Variants in PCDH15 observed in about 807,000 individuals in gnomAD.
PCDH15 encodes protocadherin related 15.
In PCDH15, 129 loss-of-function variants were observed where a neutral mutation model predicts 178.5. The ratio of observed to expected loss-of-function variants is 0.72; its 90% CI spans 0.63 to 0.84. The LOEUF (loss-of-function observed/expected upper bound fraction) is 0.84. PCDH15 is among the 40% of genes least tolerant of loss of function. The probability of loss-of-function intolerance (pLI) is 0.00; values close to 1 mark genes in which losing one functional copy is unlikely to be tolerated. For synonymous variants in PCDH15, 800 were observed against 732.0 expected, an observed-to-expected ratio of 1.09 and a Z score of -1.50; for missense variants, 2,230 against 2,099.9, an observed-to-expected ratio of 1.06 and a Z score of -1.21.
At chr10:55,056,191 T>C (rs190939671) in intron 2 of PCDH15, among the ~76,000 whole-genome samples, 176 of 152,244 alleles carry the variant, frequency 1.2e-3, no homozygotes, top group African/African-American at 4.2e-3. Context: ...AACTTTCCAC[T>C]GTAATCAGAA....
chr10:55,064,813 C>T (rs1182341433), intron 2 of PCDH15, among the ~76,000 whole-genome samples: 2 of 151,982 alleles, frequency 1.3e-5, no homozygotes, highest in East Asian at 1.9e-4. Flanking sequence ...AAAACAAAGA[C>T]ATTTTAACTG....
chr10:53,849,923 T>C (rs2078249851), intron 28 of PCDH15, among the ~76,000 whole-genome samples: 1 of 139,886 alleles, frequency 7.1e-6, no homozygotes, highest in Admixed American at 7.0e-5. Context: ...AAAATCCAAG[T>C]CATACAAAAT....
intron 16 of PCDH15, among the ~76,000 whole-genome samples, chr10:54,087,597 A>T (rs548109929): frequency 1.1e-3 from 172 of 152,320 alleles, no homozygotes; most frequent in African/African-American, 3.9e-3. Context: ...ATTGTAAATA[A>T]TTCTTTTATG....
At chr10:55,338,245 T>G (rs759485741) in intron 2 of PCDH15, among the ~76,000 whole-genome samples, 7 of 151,984 alleles carry the variant, frequency 4.6e-5, no homozygotes, top group Non-Finnish European at 1.0e-4. Flanking sequence ...TAAACGTCCC[T>G]CAAAAAAACT....
At chr10:54,310,530 A>G (rs568150344) in intron 8 of PCDH15, among the ~76,000 whole-genome samples, 4 of 152,222 alleles carry the variant, frequency 2.6e-5, no homozygotes, top group African/African-American at 7.2e-5. Context: ...GTAACAATAC[A>G]TAGTAAGTAT....
At chr10:54,212,959 G>T (rs549889143) in intron 10 of PCDH15, among the ~76,000 whole-genome samples, 1 of 151,906 alleles carries the variant, frequency 6.6e-6, no homozygotes, top group African/African-American at 2.4e-5. Context: ...CTAAAATTGC[G>T]GCAACAGTTC....
At chr10:54,739,780 G>A (rs1051452451) in intron 1 of PCDH15, among the ~76,000 whole-genome samples, 7 of 151,952 alleles carry the variant, frequency 4.6e-5, no homozygotes, top group African/African-American at 1.4e-4. Context: ...GACATATGCT[G>A]ATAAACAAAT....
intron 2 of PCDH15, among the ~76,000 whole-genome samples, chr10:55,478,644 A>G (rs1382366434): frequency 6.6e-6 from 1 of 151,342 alleles, no homozygotes; most frequent in Non-Finnish European, 1.5e-5. Context: ...AATAAATAAT[A>G]AAGATTAGAG....
intron 3 of PCDH15, among the ~76,000 whole-genome samples, chr10:54,866,973 T>C (rs1195660501): frequency 6.6e-6 from 1 of 152,324 alleles, no homozygotes; most frequent in East Asian, 1.9e-4. Flanking sequence ...GCTTTTTCTT[T>C]GGGGAAAGAT....
At chr10:54,022,769 G>T in intron 19 of PCDH15, 123 bp downstream of exon 19, 1 of 957,852 alleles carries the variant, frequency 1.0e-6, no homozygotes, top group South Asian at 1.4e-5. Context: ...TTTATTCATT[G>T]TTTATCTGAA....
At chr10:54,875,113 A>G (rs771905963) in intron 3 of PCDH15, among the ~76,000 whole-genome samples, 1 of 152,184 alleles carries the variant, frequency 6.6e-6, no homozygotes, top group Non-Finnish European at 1.5e-5. Flanking sequence ...TTCGAACAGC[A>G]CGTGCTCATT....
At chr10:55,446,817 C>T (rs1465959404) in intron 2 of PCDH15, among the ~76,000 whole-genome samples, 1 of 152,020 alleles carries the variant, frequency 6.6e-6, no homozygotes, top group Admixed American at 6.6e-5. Flanking sequence ...CTGAGTCTCT[C>T]GAACTGACTC....
chr10:54,866,495 A>G (rs896769421), intron 3 of PCDH15, among the ~76,000 whole-genome samples: 1 of 152,220 alleles, frequency 6.6e-6, no homozygotes, highest in Non-Finnish European at 1.5e-5. Context: ...TAGCACAAGA[A>G]TGAAGTAAAA....
At chr10:55,598,256 A>T (rs1221784572) in intron 2 of PCDH15, among the ~76,000 whole-genome samples, 1 of 151,906 alleles carries the variant, frequency 6.6e-6, no homozygotes, top group Non-Finnish European at 1.5e-5. Context: ...AATAAAATAT[A>T]CTACGAAAGG....
chr10:54,226,221 C>T lies in PCDH15; in HGVS notation c.985+10602G>A, dbSNP rs145450471. The stretch of plus-strand genomic sequence containing the variant: ...ACTCATGGTGGAAGGCAAGGAAAAG[C>T]ACGTCACTTCTTACATGGATGGCAG... On this transcript the variant is annotated intron_variant, in intron 9 of 37. Transcript: ENST00000644397. Among the ~76,000 whole-genome samples, 541 of 152,258 alleles carry T rather than the reference C, an allele frequency of 3.6e-3. 4 individuals carry two copies. The highest frequency in any genetic ancestry group is 0.012 in the African/African-American group (484 of 41,550).
At chr10:54,164,662 G>A (rs989336656) in intron 13 of PCDH15, among the ~76,000 whole-genome samples, 54 of 152,252 alleles carry the variant, frequency 3.5e-4, no homozygotes, top group Non-Finnish European at 6.5e-4. Flanking sequence ...TATGAAATAT[G>A]CTCTGGTGAT....
chr10:55,086,144 T>C (rs1842162190), intron 2 of PCDH15, among the ~76,000 whole-genome samples: 1 of 151,956 alleles, frequency 6.6e-6, no homozygotes, highest in Non-Finnish European at 1.5e-5. Context: ...ATAAATGTTC[T>C]GATTTAATTT....
At chr10:54,120,340 A>G (rs2095194114) in intron 15 of PCDH15, among the ~76,000 whole-genome samples, 1 of 152,320 alleles carries the variant, frequency 6.6e-6, no homozygotes, top group Non-Finnish European at 1.5e-5. Context: ...CAGACCCTAT[A>G]AAGCAACAAC....
chr10:55,292,860 T>C (rs1843043426), intron 1 of PCDH15, among the ~76,000 whole-genome samples: 1 of 152,212 alleles, frequency 6.6e-6, no homozygotes, highest in African/African-American at 2.4e-5. Context: ...TCTGAAGCTT[T>C]TCCAGGCAAA....
Sources: gnomAD v4.1 joint callset for allele counts (sites outside exome capture counted in the v4.1 genomes callset) on GRCh38, gnomAD v4.1.1 for gene constraint, MANE v1.5 for transcripts, NCBI Gene and HGNC (gene_info 2026-07-23, HGNC 2026-07-21) for gene names.